SCLT1: variants seen among roughly 807,000 people sequenced by gnomAD.
SCLT1 encodes the protein sodium channel and clathrin linker 1, also known as sodium channel-associated protein 1.
In SCLT1, 78 loss-of-function variants were observed where a neutral mutation model predicts 112.8. That is an observed-to-expected ratio of 0.69 (90% CI 0.58 to 0.83). SCLT1 has a LOEUF of 0.83. Ranked by LOEUF, SCLT1 falls within the 40% of genes least tolerant of loss-of-function variation. SCLT1 has a pLI of 0.00. For missense variants in SCLT1, 747 were observed against 770.4 expected (o/e 0.97, Z 0.36); for synonymous variants, 257 against 254.7 (o/e 1.01, Z -0.09).
chr4:129,065,487 T>C (rs1750397265), intron 2 of SCLT1, among the ~76,000 whole-genome samples: 1 of 152,078 alleles, frequency 6.6e-6, no homozygotes, highest in Admixed American at 6.5e-5. Flanking sequence ...ATATTTGACT[T>C]TGTCAATAAC....
intron 5 of SCLT1, among the ~76,000 whole-genome samples, chr4:129,017,398 C>T (rs2126115195): frequency 6.6e-6 from 1 of 151,990 alleles, no homozygotes; most frequent in East Asian, 1.9e-4. Context: ...TTCTTGTTTT[C>T]TTTTAAATAT....
Position 128,959,619 on chromosome 4 carries a change from G to C in SCLT1, c.1028C>G (p.Ala343Gly). 1.9e-6 allele frequency: 3 copies of C among 1,612,846 alleles called. No individual in the cohort carries two copies. The highest frequency in any genetic ancestry group is 2.5e-6 in the Non-Finnish European group (3 of 1,179,442). Residue 343 changes from alanine (A) to glycine (G), a missense_variant, in exon 12 of 21, where the codon GCT (alanine) becomes GGT (glycine). Ala to Gly is a moderately conservative substitution (Grantham distance 60). This residue lies in a region of SCLT1 where 723 missense variants were observed against 721.3 expected (regional missense o/e 1.00). Transcript: ENST00000281142. The part of the protein sequence containing the change: ...ARNSMQLLEE[A>G]NLQKSQALLE... ...TCTTACCTGACTTTTTTGAAGGTTA[G>C]CTTCTTCTAAGAGTTGCATGCTATT...
intron 14 of SCLT1, among the ~76,000 whole-genome samples, chr4:128,948,918 C>G (rs1353069406): frequency 6.6e-6 from 1 of 152,112 alleles, no homozygotes; most frequent in Non-Finnish European, 1.5e-5. Flanking sequence ...GATAGTGGCA[C>G]AAAACCCTCA....
chr4:128,886,438 G>A (rs928417538), intron 20 of SCLT1, among the ~76,000 whole-genome samples: 1 of 151,908 alleles, frequency 6.6e-6, no homozygotes, highest in Non-Finnish European at 1.5e-5. Context: ...CACTTTTTCA[G>A]TTTTTATAGG....
At chr4:128,893,258 T>A (rs1430525610) in intron 18 of SCLT1, among the ~76,000 whole-genome samples, 1 of 152,202 alleles carries the variant, frequency 6.6e-6, no homozygotes. Context: ...CCACAATATT[T>A]AAGATCACAA....
intron 9 of SCLT1, among the ~76,000 whole-genome samples, chr4:128,984,428 C>A (rs765695139): frequency 9.2e-5 from 14 of 152,040 alleles, no homozygotes; most frequent in Non-Finnish European, 1.8e-4. Flanking sequence ...AGTTTCTAAG[C>A]CTTTGGTTCA....
intron 2 of SCLT1, among the ~76,000 whole-genome samples, chr4:129,047,800 T>C (rs1174167193): frequency 1.3e-5 from 2 of 152,166 alleles, no homozygotes; most frequent in Admixed American, 1.3e-4. Context: ...TAGAGATGTC[T>C]ATTCAGCTCA....
intron 5 of SCLT1, among the ~76,000 whole-genome samples, chr4:129,016,386 T>G (rs573780454): frequency 2.6e-5 from 4 of 152,226 alleles, no homozygotes; most frequent in Non-Finnish European, 5.9e-5. Flanking sequence ...ATTCTCATTG[T>G]TCAGCTCCCA....
intron 5 of SCLT1, chr4:128,873,895 T>C (rs1460668728): frequency 6.5e-6 from 1 of 152,698 alleles, no homozygotes; most frequent in Non-Finnish European, 1.5e-5. Context: ...CATCTTGCTA[T>C]GCAAGTTTTA....
chr4:129,053,214 G>A (rs891242271), intron 2 of SCLT1, among the ~76,000 whole-genome samples: 18 of 152,240 alleles, frequency 1.2e-4, no homozygotes, highest in African/African-American at 3.6e-4. Flanking sequence ...GTTGATTTTG[G>A]GTGGAGAGTT....
chr4:129,070,052 T>A (rs1013785657), intron 2 of SCLT1, among the ~76,000 whole-genome samples: 1 of 152,160 alleles, frequency 6.6e-6, no homozygotes, highest in East Asian at 1.9e-4. Flanking sequence ...ATGTTGAGTA[T>A]CACACGTATT....
Position 129,054,883 on chromosome 4 carries a change from T to A in SCLT1, c.103-10832A>T, listed in dbSNP as rs1343183670. Reference sequence around the variant, plus strand: ...TTGCACTGGTTTTTCCTCATCATCATGGATTTATCTACGTGGTGGATTTGA... The same window carrying A: ...TTGCACTGGTTTTTCCTCATCATCAAGGATTTATCTACGTGGTGGATTTGA... On this transcript the variant is annotated intron_variant, in intron 2 of 20. Transcript: ENST00000281142. 2.6e-5 allele frequency among the ~76,000 whole-genome samples: 4 copies of A among 152,246 alleles called. No individual in the cohort carries two copies. In the South Asian group the frequency reaches 8.3e-4, roughly 31 times the overall value.
chr4:128,902,799 C>T (rs909497519), intron 18 of SCLT1, among the ~76,000 whole-genome samples: 8 of 152,134 alleles, frequency 5.3e-5, no homozygotes, highest in African/African-American at 1.7e-4. Flanking sequence ...ACTTTTGACT[C>T]TAAAACACAA....
At chr4:128,991,743 C>T (rs889896934) in intron 9 of SCLT1, among the ~76,000 whole-genome samples, 2 of 151,670 alleles carry the variant, frequency 1.3e-5, no homozygotes, top group Non-Finnish European at 1.5e-5. Flanking sequence ...TTTGTGGGTT[C>T]CCCATTCGTG....
intron 2 of SCLT1, among the ~76,000 whole-genome samples, chr4:129,059,107 G>T (rs1749717802): frequency 6.6e-6 from 1 of 151,988 alleles, no homozygotes; most frequent in Non-Finnish European, 1.5e-5. Flanking sequence ...CCTTTGTTTG[G>T]TTTTTGTTTT....
intron 9 of SCLT1, among the ~76,000 whole-genome samples, chr4:128,977,173 G>A (rs976977289): frequency 4.0e-5 from 6 of 150,824 alleles, no homozygotes; most frequent in African/African-American, 1.5e-4. Flanking sequence ...AGAATTTAAG[G>A]GATTCTATGC....
intron 10 of SCLT1, 94 bp downstream of exon 10, chr4:128,970,284 G>T: frequency 1.4e-6 from 1 of 713,768 alleles, no homozygotes; most frequent in Non-Finnish European, 2.5e-6. Context: ...TTCATCTTCT[G>T]ACAACCCTCT....
chr4:129,068,030 C>A (rs1406549195), intron 2 of SCLT1, among the ~76,000 whole-genome samples: 3 of 152,090 alleles, frequency 2.0e-5, no homozygotes, highest in Admixed American at 2.0e-4. Flanking sequence ...TCCATTGTGT[C>A]ATCCTTATGC....
At chr4:129,031,287 A>C (rs1746696541) in intron 5 of SCLT1, among the ~76,000 whole-genome samples, 1 of 152,154 alleles carries the variant, frequency 6.6e-6, no homozygotes, top group Non-Finnish European at 1.5e-5. Context: ...ACTCTCAATA[A>C]ACTAGGTATT....
Sources: allele counts gnomAD v4.1 joint callset (sites outside exome capture counted in the v4.1 genomes callset), GRCh38; gene constraint gnomAD v4.1.1; regional missense constraint gnomAD v4.1.1; transcripts MANE v1.5; gene names NCBI Gene and HGNC (gene_info 2026-07-23, HGNC 2026-07-21).